Variants in GREB1L observed in about 807,000 individuals in gnomAD.
GREB1L encodes the protein GREB1 like retinoic acid receptor coactivator.
In GREB1L, 17 loss-of-function variants were observed where a neutral mutation model predicts 200.8. The observed-to-expected ratio is 0.08, with a 90% CI of 0.06 to 0.13. The LOEUF (loss-of-function observed/expected upper bound fraction) is 0.13. Among genes scored for constraint, GREB1L ranks in the 10% least tolerant of loss-of-function variants. The pLI is 1.00. For missense variants in GREB1L, 1,657 were observed against 2,367.7 expected (o/e 0.70, Z 6.23); for synonymous variants, 789 against 893.0 (o/e 0.88, Z 2.08).
chr18:21,467,450 G>C (rs1291517524), intron 15 of GREB1L, among the ~76,000 whole-genome samples: 1 of 152,184 alleles, frequency 6.6e-6, no homozygotes, highest in South Asian at 2.1e-4. Flanking sequence ...ATAGGCATCT[G>C]TCCAAAGGAG....
At chr18:21,513,783 A>G in intron 27 of GREB1L, 38 bp from the exon 28 acceptor site, 1 of 1,537,686 alleles carries the variant, frequency 6.5e-7, no homozygotes, top group Non-Finnish European at 8.8e-7. Flanking sequence ...TGAGTGAAGG[A>G]TGTGTGGATA....
At chr18:21,430,778 T>C (rs2033085115) in intron 7 of GREB1L, among the ~76,000 whole-genome samples, 1 of 150,806 alleles carries the variant, frequency 6.6e-6, no homozygotes, top group Non-Finnish European at 1.5e-5. Context: ...GTATTTTTAG[T>C]AGAGACGGGG....
chr18:21,438,722 G>T (rs1317626418), intron 7 of GREB1L, among the ~76,000 whole-genome samples: 1 of 151,594 alleles, frequency 6.6e-6, no homozygotes, highest in Middle Eastern at 3.2e-3. Context: ...ACTTTGGGAG[G>T]CCGAGGCGGG....
At chr18:21,404,288 G>A (rs2029911814) in intron 7 of GREB1L, among the ~76,000 whole-genome samples, 1 of 152,130 alleles carries the variant, frequency 6.6e-6, no homozygotes, top group Non-Finnish European at 1.5e-5. Flanking sequence ...AGGGGAGTCT[G>A]CATCATAGCC....
intron 2 of GREB1L, among the ~76,000 whole-genome samples, chr18:21,376,352 C>T (rs1200812655): frequency 3.3e-5 from 5 of 150,338 alleles, no homozygotes; most frequent in African/African-American, 1.2e-4. Context: ...CTCCTGACCT[C>T]AGGTGATCCA....
chr18:21,441,561 G>T (rs1424825134), intron 10 of GREB1L, 24 bp downstream of exon 10: 1 of 1,536,994 alleles, frequency 6.5e-7, no homozygotes, highest in Non-Finnish European at 8.8e-7. Flanking sequence ...ATTCCAAGTT[G>T]CCTGTGTCTG....
At chr18:21,271,066 T>C (rs1213008355) in intron 1 of GREB1L, among the ~76,000 whole-genome samples, 1 of 152,192 alleles carries the variant, frequency 6.6e-6, no homozygotes, top group Non-Finnish European at 1.5e-5. Context: ...ATCATATTGA[T>C]TTAAAGGAAA....
intron 1 of GREB1L, among the ~76,000 whole-genome samples, chr18:21,285,252 G>C (rs2038336662): frequency 6.6e-6 from 1 of 151,944 alleles, no homozygotes; most frequent in South Asian, 2.1e-4. Context: ...ATGATGTTCA[G>C]TTTATCTTTT....
chr18:21,251,266 T>C (rs1177593185), intron 1 of GREB1L, among the ~76,000 whole-genome samples: 3 of 152,238 alleles, frequency 2.0e-5, no homozygotes, highest in Non-Finnish European at 2.9e-5. Context: ...TCTATTTATG[T>C]TGTTACAACT....
chr18:21,436,194 C>T (rs1030775183), intron 7 of GREB1L, among the ~76,000 whole-genome samples: 2 of 152,118 alleles, frequency 1.3e-5, no homozygotes, highest in Non-Finnish European at 2.9e-5. Flanking sequence ...TATAAGACAT[C>T]CATGTGGAGC....
chr18:21,423,471 T>G (rs866540301), intron 7 of GREB1L, among the ~76,000 whole-genome samples: 13 of 152,126 alleles, frequency 8.5e-5, no homozygotes, highest in African/African-American at 3.1e-4. Flanking sequence ...ATAAGAGTGT[T>G]TTTTGTACAT....
chr18:21,511,181 C>G (rs990493490), intron 27 of GREB1L, among the ~76,000 whole-genome samples: 13 of 152,052 alleles, frequency 8.5e-5, no homozygotes, highest in Admixed American at 3.3e-4. Flanking sequence ...TCAAGATCAG[C>G]CTGACCAACC....
At chr18:21,452,821 GA>G (rs2034588849) in intron 14 of GREB1L, among the ~76,000 whole-genome samples, 2 of 152,090 alleles carry the variant, frequency 1.3e-5, no homozygotes, top group African/African-American at 4.8e-5. Flanking sequence ...GGACAGGACA[GA>G]AAAAAGAACA....
chr18:21,242,946 G>T (rs374758314), intron 1 of GREB1L, among the ~76,000 whole-genome samples: 24 of 152,168 alleles, frequency 1.6e-4, no homozygotes, highest in African/African-American at 5.8e-4. Context: ...AGAACGTCCA[G>T]AGGTGGCTGG....
At chr18:21,429,239 C>CCTCCTCTCCT (rs1170950641) in intron 7 of GREB1L, among the ~76,000 whole-genome samples, 1 of 102,700 alleles carries the variant, frequency 9.7e-6, no homozygotes, top group African/African-American at 3.7e-5. Context: ...TTCCTCTTCC[C>CCTCCTCTCCT]CTCCTCTCCT....
intron 2 of GREB1L, among the ~76,000 whole-genome samples, chr18:21,369,881 G>A (rs527847520): frequency 8.6e-5 from 13 of 150,862 alleles, no homozygotes; most frequent in African/African-American, 2.9e-4. Flanking sequence ...CCCAGGAGGC[G>A]GAGGTTACAG....
At chr18:21,444,465 T>C in intron 11 of GREB1L, 56 bp downstream of exon 11, 2 of 1,378,740 alleles carry the variant, frequency 1.5e-6, no homozygotes, top group Non-Finnish European at 9.9e-7. Context: ...TTTTTTGTGA[T>C]GTACTTTTTC....
chr18:21,242,250 G>C lies in GREB1L; in HGVS notation c.-263G>C, dbSNP rs1412446197. On this transcript the variant is annotated 5_prime_UTR_variant, in exon 1 of 33. Transcript: ENST00000424526. ...GCCTGCCAGAGAGACGCCAGCCGCC[G>C]GCGGCGCTAGCACCTCGGAGTCGGG... 1 of 151,904 alleles carries C rather than the reference G, an allele frequency of 6.6e-6. No individual in the cohort carries two copies. Among genetic ancestry groups the C allele is most frequent in the Non-Finnish European group, 1.5e-5 (1 of 68,018 alleles). 9.4% of individuals were successfully genotyped at this position (151,904 alleles called of 1,614,324 possible).
Position 21,522,934 on chromosome 18 carries a change from T to C in GREB1L, c.*113T>C, listed in dbSNP as rs923596120. On this transcript the variant is annotated 3_prime_UTR_variant, in exon 33 of 33. Transcript: ENST00000424526. ...AATCACTGTGGAGCAAAGTGCAACATATTTGTCTAAATTCTCCAAAGAACT... is the reference window on the plus strand; with the variant it reads ...AATCACTGTGGAGCAAAGTGCAACACATTTGTCTAAATTCTCCAAAGAACT... 5 of 976,612 alleles carry C rather than the reference T, an allele frequency of 5.1e-6. No homozygotes were observed. In the African/African-American group the frequency reaches 8.2e-5, roughly 16 times the overall value. The allele number at this position is 976,612 out of a possible 1,614,324, so 60.5% of individuals were successfully genotyped here.
Sources: gnomAD v4.1 joint callset for allele counts (sites outside exome capture counted in the v4.1 genomes callset) on GRCh38, gnomAD v4.1.1 for gene constraint, MANE v1.5 for transcripts, NCBI Gene and HGNC (gene_info 2026-07-23, HGNC 2026-07-21) for gene names.